The following NLGN1 variants were observed in gnomAD, a reference collection of about 807,000 sequenced individuals.
The protein encoded by NLGN1 is neuroligin 1.
Under a neutral mutation model 65.5 loss-of-function variants are expected in NLGN1, and 12 were observed. That is an observed-to-expected ratio of 0.18 (90% confidence interval 0.12 to 0.30). The LOEUF (loss-of-function observed/expected upper bound fraction) is 0.30, where lower values mean the gene tolerates loss of function less well. Ranked by LOEUF, NLGN1 falls within the 10% of genes least tolerant of loss-of-function variation. NLGN1 has a pLI of 1.00. For synonymous variants in NLGN1, 350 were observed against 359.5 expected (o/e 0.97, Z 0.30); for missense variants, 750 against 1,007.1 (o/e 0.74, Z 3.46).
At chr3:174,115,371 A>T (rs752412056) in intron 4 of NLGN1, among the ~76,000 whole-genome samples, 1 of 152,226 alleles carries the variant, frequency 6.6e-6, no homozygotes, top group Non-Finnish European at 1.5e-5. Context: ...AAATTGAAAC[A>T]TGGGAAAACA....
chr3:173,507,293 G>C (rs957500680), intron 2 of NLGN1, among the ~76,000 whole-genome samples: 2 of 152,026 alleles, frequency 1.3e-5, no homozygotes, highest in Non-Finnish European at 2.9e-5. Flanking sequence ...ACTGAGAGTG[G>C]AGGAATTGGT....
chr3:173,645,634 A>G (rs369333941), intron 3 of NLGN1, among the ~76,000 whole-genome samples: 1 of 152,204 alleles, frequency 6.6e-6, no homozygotes, highest in Non-Finnish European at 1.5e-5. Context: ...CCATGGGGAA[A>G]AATCAGAGTT....
intron 4 of NLGN1, among the ~76,000 whole-genome samples, chr3:173,971,728 A>C (rs2152375387): frequency 6.6e-6 from 1 of 152,204 alleles, no homozygotes; most frequent in South Asian, 2.1e-4. Context: ...CAAGGCATGA[A>C]GGACTGGTTC....
At chr3:173,629,934 G>A (rs1199147570) in intron 3 of NLGN1, among the ~76,000 whole-genome samples, 3 of 152,080 alleles carry the variant, frequency 2.0e-5, no homozygotes, top group Non-Finnish European at 2.9e-5. Flanking sequence ...AAAAAAGATA[G>A]TGTATGCCAA....
At chr3:173,717,276 A>G (rs1206857533) in intron 3 of NLGN1, among the ~76,000 whole-genome samples, 2 of 152,184 alleles carry the variant, frequency 1.3e-5, no homozygotes, top group African/African-American at 4.8e-5. Context: ...AGATTTTAAT[A>G]TGATTGAAAA....
rs536291513 is a variant in NLGN1 at position 173,710,936 on chromosome 3, G to A, written c.494-96744G>A. Among the ~76,000 whole-genome samples, 5 of 152,248 alleles carry A rather than the reference G, an allele frequency of 3.3e-5. No individual in the cohort carries two copies. The East Asian group carries it at 9.7e-4, about 29-fold the overall frequency. ...GTATTCCAGTTAGAACAATTTTAAA[G>A]CATTATTCCAGTGAAACTAAATACT... On this transcript the variant is annotated intron_variant, in intron 3 of 6. Coordinates refer to ENST00000457714, the Ensembl canonical transcript of NLGN1.
At chr3:173,931,234 C>A (rs2152286012) in intron 4 of NLGN1, among the ~76,000 whole-genome samples, 1 of 152,240 alleles carries the variant, frequency 6.6e-6, no homozygotes, top group East Asian at 1.9e-4. Context: ...AGAGGCTCCA[C>A]CTTCATGGAG....
chr3:173,484,873 T>G (rs1004206331), intron 2 of NLGN1, among the ~76,000 whole-genome samples: 11 of 152,084 alleles, frequency 7.2e-5, no homozygotes, highest in Non-Finnish European at 1.6e-4. Context: ...ACCAAATGGC[T>G]TGTCTTACCC....
intron 4 of NLGN1, chr3:174,136,425 C>CAT (rs1442997064): frequency 1.3e-5 from 2 of 151,988 alleles, no homozygotes; most frequent in Non-Finnish European, 2.9e-5. Flanking sequence ...GTCACAAAGC[C>CAT]ATATAAGATA....
intron 4 of NLGN1, among the ~76,000 whole-genome samples, chr3:174,102,287 T>C (rs1463013693): frequency 6.6e-6 from 1 of 152,146 alleles, no homozygotes; most frequent in East Asian, 1.9e-4. Context: ...TGTTCATTTT[T>C]TTTCCTTTGC....
chr3:173,720,122 T>TA (rs1560232112), intron 3 of NLGN1, among the ~76,000 whole-genome samples: 3 of 151,400 alleles, frequency 2.0e-5, no homozygotes, highest in South Asian at 2.1e-4. Flanking sequence ...TCTAAAAAAA[T>TA]AAAAAAAAGA....
Position 174,212,248 on chromosome 3 carries a change from G to T in NLGN1, c.647-63067G>T, listed in dbSNP as rs183669438. Among the ~76,000 whole-genome samples, 13 of 152,322 alleles carry T rather than the reference G, an allele frequency of 8.5e-5. No homozygotes were observed. In the East Asian group the frequency reaches 2.5e-3, roughly 30 times the overall value. ...CCCCTCACTGTCCGGGGCCAGCAGG[G>T]CTGGCCGGCTGCTCTGAGTGCGGGG... On this transcript the variant is annotated intron_variant, in intron 4 of 6. Coordinates refer to ENST00000457714, the Ensembl canonical transcript of NLGN1.
chr3:173,790,428 A>G (rs1311106913), intron 3 of NLGN1, among the ~76,000 whole-genome samples: 2 of 152,100 alleles, frequency 1.3e-5, no homozygotes, highest in African/African-American at 4.8e-5. Context: ...TTCAGTGATA[A>G]TTATCATTAC....
chr3:173,415,228 T>C (rs964362745), intron 1 of NLGN1, among the ~76,000 whole-genome samples: 1 of 152,192 alleles, frequency 6.6e-6, no homozygotes. Context: ...TGAGCAAGGC[T>C]TTCGGCAAAA....
chr3:173,554,603 T>C (rs1279651393), intron 2 of NLGN1, among the ~76,000 whole-genome samples: 1 of 152,230 alleles, frequency 6.6e-6, no homozygotes, highest in African/African-American at 2.4e-5. Context: ...TTCACCCAGG[T>C]TGAGTTTATC....
At chr3:173,596,928 C>T (rs1009807096) in intron 2 of NLGN1, among the ~76,000 whole-genome samples, 1 of 152,158 alleles carries the variant, frequency 6.6e-6, no homozygotes, top group East Asian at 1.9e-4. Flanking sequence ...GCTGTTCTAT[C>T]ATTCTTTACT....
intron 4 of NLGN1, among the ~76,000 whole-genome samples, chr3:173,853,062 G>A (rs556533561): frequency 3.9e-4 from 60 of 152,188 alleles, no homozygotes; most frequent in Non-Finnish European, 7.1e-4. Flanking sequence ...ATTTATACCC[G>A]TCTCCTTCAC....
rs115611725 is a variant in NLGN1, at chr3:173,480,940, C to T, written c.-321+45862C>T. ...TACGTGTATGTGTGTCTACACAAAC[C>T]CTTAAATTGCATTTATCATGTGTCA... is the stretch of plus-strand genomic sequence containing the variant. On this transcript the variant is annotated intron_variant, in intron 2 of 6. Coordinates refer to ENST00000457714, the Ensembl canonical transcript of NLGN1. Among the ~76,000 whole-genome samples the T allele has an allele frequency of 2.4e-3, 370 of 152,066 alleles. 1 individual carries two copies. The highest frequency in any genetic ancestry group is 8.3e-3 in the African/African-American group (344 of 41,520).
chr3:173,973,567 A>T (rs1048876281), intron 4 of NLGN1, among the ~76,000 whole-genome samples: 2 of 151,996 alleles, frequency 1.3e-5, no homozygotes, highest in African/African-American at 4.8e-5. Flanking sequence ...TTTTGGAAAC[A>T]CTTTAAATGT....
Sources: allele counts gnomAD v4.1 joint callset (sites outside exome capture counted in the v4.1 genomes callset), GRCh38; gene constraint gnomAD v4.1.1; transcripts MANE v1.5; gene names NCBI Gene and HGNC (gene_info 2026-07-23, HGNC 2026-07-21).